The following HS6ST3 variants were observed in gnomAD, a reference collection of about 807,000 sequenced individuals.
The protein encoded by HS6ST3 is heparan-sulfate 6-O-sulfotransferase 3.
In HS6ST3, 12 loss-of-function variants were observed where a neutral mutation model predicts 36.7. That is an observed-to-expected ratio of 0.33 (90% CI 0.21 to 0.53). The LOEUF (loss-of-function observed/expected upper bound fraction) is 0.53. HS6ST3 is among the 20% of genes least tolerant of loss of function. The pLI is 0.95. For synonymous variants in HS6ST3, 240 were observed against 257.5 expected (o/e 0.93, Z 0.65); for missense variants, 584 against 640.9 (o/e 0.91, Z 0.96).
chr13:96,791,483 A>G (rs368309965), intron 1 of HS6ST3, among the ~76,000 whole-genome samples: 16 of 152,034 alleles, frequency 1.1e-4, no homozygotes, highest in Middle Eastern at 3.4e-3. Context: ...TCCTAAACAC[A>G]GGGGGCCAGG....
intron 1 of HS6ST3, among the ~76,000 whole-genome samples, chr13:96,589,055 G>GAAAAAA (rs774694159): frequency 3.9e-5 from 2 of 51,392 alleles, no homozygotes; most frequent in African/African-American, 6.4e-5. Flanking sequence ...CATCTCAAGA[G>GAAAAAA]AAAAAAAAAA....
intron 1 of HS6ST3, among the ~76,000 whole-genome samples, chr13:96,526,814 A>G (rs896992071): frequency 6.6e-6 from 1 of 152,314 alleles, no homozygotes; most frequent in East Asian, 1.9e-4. Context: ...TTCCAGGACA[A>G]TAGCCACTAG....
At chr13:96,638,631 G>A (rs2056558060) in intron 1 of HS6ST3, among the ~76,000 whole-genome samples, 1 of 151,696 alleles carries the variant, frequency 6.6e-6, no homozygotes. Flanking sequence ...CCTTTTGCTT[G>A]GCACTTCTCC....
chr13:96,568,045 G>A (rs2056287972), intron 1 of HS6ST3, among the ~76,000 whole-genome samples: 1 of 152,158 alleles, frequency 6.6e-6, no homozygotes, highest in Admixed American at 6.5e-5. Flanking sequence ...AGCCATTTTG[G>A]AAAGTAATTT....
At chr13:96,195,839 A>G (rs1388189362) in intron 1 of HS6ST3, among the ~76,000 whole-genome samples, 2 of 152,168 alleles carry the variant, frequency 1.3e-5, no homozygotes, top group Non-Finnish European at 2.9e-5. Flanking sequence ...ATATTCTTAT[A>G]TCTCTCACAT....
intron 1 of HS6ST3, among the ~76,000 whole-genome samples, chr13:96,113,480 G>A (rs1199560211): frequency 2.0e-5 from 3 of 152,154 alleles, no homozygotes; most frequent in Non-Finnish European, 4.4e-5. Flanking sequence ...CTTATGTACA[G>A]TTGTTTCATT....
In HS6ST3 at chr13:96,101,264, G is replaced by A. The variant is rs117646996; in HGVS notation, c.707+9695G>A. Among the ~76,000 whole-genome samples, 95 of 152,188 alleles carry A rather than the reference G, an allele frequency of 6.2e-4. 1 individual carries two copies. The East Asian group carries it at 0.018, about 28-fold the overall frequency. On this transcript the variant is annotated intron_variant, in intron 1 of 1. Coordinates refer to ENST00000376705, the MANE Select transcript of HS6ST3 (RefSeq NM_153456.4). ...GTTTGCAAAAACATTTACGAGATGA[G>A]ACCCTTTCTGCCGCTTAGATTTTCT...
chr13:96,493,270 G>A (rs2055955773), intron 1 of HS6ST3, among the ~76,000 whole-genome samples: 1 of 152,054 alleles, frequency 6.6e-6, no homozygotes, highest in African/African-American at 2.4e-5. Flanking sequence ...ATGATTCCAG[G>A]AACCTCTATA....
chr13:96,334,621 A>G (rs1223473438), intron 1 of HS6ST3, among the ~76,000 whole-genome samples: 2 of 152,202 alleles, frequency 1.3e-5, no homozygotes, highest in African/African-American at 4.8e-5. Context: ...TTCATATCTT[A>G]CACAGTGGCG....
At chr13:96,469,511 T>C (rs757551219) in intron 1 of HS6ST3, among the ~76,000 whole-genome samples, 1 of 152,174 alleles carries the variant, frequency 6.6e-6, no homozygotes, top group Non-Finnish European at 1.5e-5. Flanking sequence ...GCCATTGGCC[T>C]GTATTTCTAT....
intron 1 of HS6ST3, among the ~76,000 whole-genome samples, chr13:96,729,741 C>T (rs1029478927): frequency 6.6e-6 from 1 of 152,132 alleles, no homozygotes; most frequent in African/African-American, 2.4e-5. Flanking sequence ...ACTGAGATTA[C>T]AGGCGTGAGC....
chr13:96,489,585 C>T (rs1056047998), intron 1 of HS6ST3, among the ~76,000 whole-genome samples: 4 of 152,088 alleles, frequency 2.6e-5, no homozygotes, highest in Admixed American at 6.6e-5. Context: ...TTTAATAGCA[C>T]TGCTTATATG....
intron 1 of HS6ST3, chr13:96,169,529 G>A: frequency 6.6e-6 from 1 of 152,438 alleles, no homozygotes; most frequent in Non-Finnish European, 1.5e-5. Context: ...TGCTGCTGAT[G>A]TCTTTGCAAC....
chr13:96,470,769 A>AT (rs1282942941), intron 1 of HS6ST3, among the ~76,000 whole-genome samples: 1 of 152,066 alleles, frequency 6.6e-6, no homozygotes, highest in African/African-American at 2.4e-5. Context: ...TTGCGAGGCC[A>AT]TTTCTCAGAC....
intron 1 of HS6ST3, among the ~76,000 whole-genome samples, chr13:96,544,206 A>T (rs1429755068): frequency 6.6e-6 from 1 of 152,210 alleles, no homozygotes; most frequent in Non-Finnish European, 1.5e-5. Context: ...TCAAATCTGG[A>T]ACACTGCGTC....
At chr13:96,458,992 T>C (rs2055768076) in intron 1 of HS6ST3, among the ~76,000 whole-genome samples, 1 of 150,896 alleles carries the variant, frequency 6.6e-6, no homozygotes, top group African/African-American at 2.4e-5. Flanking sequence ...TAATCCCAGC[T>C]ACCTGGGAAG....
rs560122033 is a variant in HS6ST3 at position 96,256,144 on chromosome 13, C to T, written c.707+164575C>T. Among the ~76,000 whole-genome samples the T allele has an allele frequency of 1.6e-4, 25 of 152,210 alleles. No individual in the cohort carries two copies. The South Asian group carries it at 2.5e-3, about 15-fold the overall frequency. On this transcript the variant is annotated intron_variant, in intron 1 of 1. Transcript: ENST00000376705. ...ACTTACACAAATGTTATTGTATAGA[C>T]GATGGTAGTGCCGTCATGCCATAGT...
intron 1 of HS6ST3, among the ~76,000 whole-genome samples, chr13:96,280,799 T>C (rs1317889141): frequency 6.6e-6 from 1 of 152,072 alleles, no homozygotes; most frequent in Non-Finnish European, 1.5e-5. Flanking sequence ...CAGTTAATAT[T>C]GCAACAGAAT....
chr13:96,770,441 G>T (rs868652795), intron 1 of HS6ST3, among the ~76,000 whole-genome samples: 5 of 152,146 alleles, frequency 3.3e-5, no homozygotes, highest in South Asian at 4.2e-4. Context: ...CTTCTTACAT[G>T]CCTGCTTTTT....
Sources: allele counts gnomAD v4.1 joint callset (sites outside exome capture counted in the v4.1 genomes callset), GRCh38; gene constraint gnomAD v4.1.1; transcripts MANE v1.5; gene names NCBI Gene and HGNC (gene_info 2026-07-23, HGNC 2026-07-21).